Variants in OR2B6 observed in about 807,000 individuals in gnomAD.
OR2B6 encodes the protein olfactory receptor family 2 subfamily B member 6.
For missense variants in OR2B6, 350 were observed against 368.9 expected (o/e 0.95, Z 0.42); for synonymous variants, 130 against 142.7 (o/e 0.91, Z 0.63).
rs1208539634 is a variant in OR2B6, at chr6:27,957,751, C to A, written c.511C>A (p.Pro171Thr). 22 of 1,613,886 alleles carry A rather than the reference C, an allele frequency of 1.4e-5. No individual in the cohort carries two copies. The highest frequency in any genetic ancestry group is 1.8e-5 in the Non-Finnish European group (21 of 1,179,986). ...GACTCTCCAGCTGCCACTCTGTGAC[C>A]CCTATGTGATAGATCACTTTCTCTG... ...TLTLQLPLCD[P>T]YVIDHFLCEV... Residue 171 changes from proline (P) to threonine (T), a missense_variant, in exon 1 of 1, where the codon CCC becomes ACC. Physicochemically the swap from Pro to Thr is conservative, Grantham distance 38. Transcript: ENST00000244623.
chr6:27,958,113 A>T lies in OR2B6; in HGVS notation c.873A>T (p.Thr291=). Residue 291 remains threonine (T), a synonymous_variant, in exon 1 of 1, where the codon ACA becomes ACT. Coordinates refer to ENST00000244623, the MANE Select transcript of OR2B6 (RefSeq NM_012367.1). ...CCATGCTGAATCCCCTTATATATAC[A>T]CTTAGGAACAAGGAGGTAAAGGAAG... The part of the protein sequence containing the change: ...IAPMLNPLIY[T]LRNKEVKEGF... The T allele has an allele frequency of 2.5e-6, 4 of 1,613,774 alleles. No homozygotes were observed. Among genetic ancestry groups the T allele is most frequent in the Non-Finnish European group, 3.4e-6 (4 of 1,179,852 alleles).
rs776129148 is a variant in OR2B6, at chr6:27,957,597, C to G, written c.357C>G (p.Ser119=). Residue 119 remains serine (S), a synonymous_variant, in exon 1 of 1, where the codon TCC becomes TCG. Coordinates refer to ENST00000244623, the MANE Select transcript of OR2B6 (RefSeq NM_012367.1). ...ATEYLLLAVM[S]FDRFVAICRP... is the part of the protein sequence containing the mutation. ...AATATCTTCTCCTGGCCGTCATGTC[C>G]TTTGATAGGTTTGTAGCTATTTGTC... 2.2e-5 allele frequency: 35 copies of G among 1,613,906 alleles called. No individual in the cohort carries two copies. Among genetic ancestry groups the G allele is most frequent in the Non-Finnish European group, 2.7e-5 (32 of 1,179,978 alleles).
At position 27,957,601 on chromosome 6, in the gene OR2B6, G is replaced by C; in HGVS notation, c.361G>C (p.Asp121His). The C allele has an allele frequency of 6.2e-7, 1 of 1,613,976 alleles. No individual in the cohort carries two copies. The highest frequency in any genetic ancestry group is 2.2e-5 in the East Asian group (1 of 44,878). ...TCTTCTCCTGGCCGTCATGTCCTTT[G>C]ATAGGTTTGTAGCTATTTGTCGGCC... ...EYLLLAVMSF[D>H]RFVAICRPLH... Residue 121 changes from aspartate to histidine, a missense_variant, in exon 1 of 1, where the codon GAT becomes CAT. Physicochemically the swap from Asp to His is moderately conservative, Grantham distance 81 (BLOSUM62 -1). Coordinates refer to ENST00000244623, the MANE Select transcript of OR2B6 (RefSeq NM_012367.1).
Position 27,957,577 on chromosome 6 carries a change from C to G in OR2B6, c.337C>G (p.Leu113Val). The G allele has an allele frequency of 6.2e-7, 1 of 1,614,056 alleles. No individual in the cohort carries two copies. Among genetic ancestry groups the G allele is most frequent in the Non-Finnish European group, 8.5e-7 (1 of 1,179,986 alleles). The change falls in exon 1 of 1, where the codon CTT becomes GTT. Residue 113 changes from leucine to valine, a missense_variant. By Grantham distance (32) the Leu-to-Val change is conservative. Transcript: ENST00000244623. ...TCTGGCCTTGGGGGCTACTGAATAT[C>G]TTCTCCTGGCCGTCATGTCCTTTGA... Reference protein sequence around the residue: ...IFLALGATEYLLLAVMSFDRF... With the variant: ...IFLALGATEYVLLAVMSFDRF...
At position 27,957,526 on chromosome 6, in the gene OR2B6, G is replaced by A. The variant is rs755766251; in HGVS notation, c.286G>A (p.Gly96Ser). ...CATCAGGAAAGTAATCAGTTATCGT[G>A]GCTGTGTAGCCCAGCTTTTCATATT... ...CSIRKVISYR[G>S]CVAQLFIFLA... Residue 96 changes from glycine (G) to serine (S), a missense_variant, in exon 1 of 1, where the codon GGC becomes AGC. Physicochemically the swap from Gly to Ser is moderately conservative, Grantham distance 56 (BLOSUM62 0). Coordinates refer to ENST00000244623, the MANE Select transcript of OR2B6 (RefSeq NM_012367.1). The A allele has an allele frequency of 3.1e-6, 5 of 1,613,914 alleles. No homozygotes were observed. The Admixed American group carries it at 8.3e-5, about 27-fold the overall frequency.
In OR2B6 at chr6:27,957,849, T is replaced by C; in HGVS notation, c.609T>C (p.Ser203=). ...ATGAGGCTGAACTATTCCTTGTCAG[T>C]GAGCTCTTCCATCTAATACCCCTGA... The part of the protein sequence containing the change: ...TANEAELFLV[S]ELFHLIPLTL... The change falls in exon 1 of 1, where the codon AGT becomes AGC. Residue 203 remains serine, a synonymous_variant. Coordinates refer to ENST00000244623, the MANE Select transcript of OR2B6 (RefSeq NM_012367.1). 1 of 1,614,094 alleles carries C rather than the reference T, an allele frequency of 6.2e-7. No individual in the cohort carries two copies. Among genetic ancestry groups the C allele is most frequent in the Non-Finnish European group, 8.5e-7 (1 of 1,179,958 alleles).
Position 27,957,870 on chromosome 6 carries a change from CCT to C in OR2B6, c.631_632del (p.Leu211AspfsTer21), listed in dbSNP as rs1206385692. On this transcript the variant is annotated frameshift_variant, in exon 1 of 1. Transcript: ENST00000244623. LOFTEE classifies it low-confidence loss of function (END_TRUNC). ...LVSELFHLIPLTLILISYAFI... is the reference protein window; with the variant it reads ...LVSELFHLIPXTLILISYAFI... ...TCAGTGAGCTCTTCCATCTAATACC[CCT>C]GACACTCATCCTTATATCATATGCT... 1 of 1,613,966 alleles carries C rather than the reference CCT, an allele frequency of 6.2e-7. No individual in the cohort carries two copies. Among genetic ancestry groups the C allele is most frequent in the Non-Finnish European group, 8.5e-7 (1 of 1,179,998 alleles).
At position 27,958,013 on chromosome 6, in the gene OR2B6, T is replaced by C. The variant is rs940753905; in HGVS notation, c.773T>C (p.Val258Ala). The C allele has an allele frequency of 6.2e-7, 1 of 1,613,892 alleles. No individual in the cohort carries two copies. Among genetic ancestry groups the C allele is most frequent in the Non-Finnish European group, 8.5e-7 (1 of 1,179,976 alleles). The change falls in exon 1 of 1, where the codon GTG (valine) becomes GCG (alanine). Residue 258 changes from valine (V) to alanine (A), a missense_variant. Coordinates refer to ENST00000244623, the MANE Select transcript of OR2B6 (RefSeq NM_012367.1). ...CTTTTTTATAGTACAGCCGTCTCTG[T>C]GTACCTGCAACCACCTTCGCCCAGC... ...VSLFYSTAVSVYLQPPSPSSK... is the reference protein window; with the variant it reads ...VSLFYSTAVSAYLQPPSPSSK...
At position 27,958,125 on chromosome 6, in the gene OR2B6, G is replaced by A. The variant is rs141873242; in HGVS notation, c.885G>A (p.Lys295=). 400 of 1,613,456 alleles carry A rather than the reference G, an allele frequency of 2.5e-4. 1 individual carries two copies. Among genetic ancestry groups the A allele is most frequent in the Middle Eastern group, 8.2e-4 (5 of 6,078 alleles). ...CCCTTATATATACACTTAGGAACAAGGAGGTAAAGGAAGGCTTTAAAAGGT... is the reference window on the plus strand; with the variant it reads ...CCCTTATATATACACTTAGGAACAAAGAGGTAAAGGAAGGCTTTAAAAGGT... ...LNPLIYTLRN[K]EVKEGFKRLV... is the part of the protein sequence containing the mutation. The change falls in exon 1 of 1, where the codon AAG becomes AAA. Residue 295 remains lysine, a synonymous_variant. Transcript: ENST00000244623.
rs1561770177 is a variant in OR2B6, at chr6:27,957,994, T to C, written c.754T>C (p.Tyr252His). The change falls in exon 1 of 1, where the codon TAT becomes CAT. Residue 252 changes from tyrosine to histidine, a missense_variant. Physicochemically the swap from Tyr to His is moderately conservative, Grantham distance 83. Coordinates refer to ENST00000244623, the MANE Select transcript of OR2B6 (RefSeq NM_012367.1). Reference protein sequence around the residue: ...GSHLIVVSLFYSTAVSVYLQP... With the variant: ...GSHLIVVSLFHSTAVSVYLQP... ...CCATCTAATTGTGGTGTCTCTTTTT[T>C]ATAGTACAGCCGTCTCTGTGTACCT... The C allele has an allele frequency of 6.2e-7, 1 of 1,613,950 alleles. No homozygotes were observed. Among genetic ancestry groups the C allele is most frequent in the Non-Finnish European group, 8.5e-7 (1 of 1,179,948 alleles).
At position 27,958,148 on chromosome 6, in the gene OR2B6, G is replaced by C. The variant is rs757723118; in HGVS notation, c.908G>C (p.Arg303Thr). 1 of 1,613,184 alleles carries C rather than the reference G, an allele frequency of 6.2e-7. No individual in the cohort carries two copies. Among genetic ancestry groups the C allele is most frequent in the African/African-American group, 1.3e-5 (1 of 74,958 alleles). ...AAGGAGGTAAAGGAAGGCTTTAAAA[G>C]GTTGGTTGCAAGAGTCTTCTTAATC... ...RNKEVKEGFK[R>T]LVARVFLIKK is the part of the protein sequence containing the mutation. The change falls in exon 1 of 1, where the codon AGG becomes ACG. Residue 303 changes from arginine (R) to threonine (T), a missense_variant. Coordinates refer to ENST00000244623, the MANE Select transcript of OR2B6 (RefSeq NM_012367.1).
chr6:27,957,784 C>T lies in OR2B6; in HGVS notation c.544C>T (p.Pro182Ser), dbSNP rs762926555. ...YVIDHFLCEV[P>S]ALLKLSCVET... ...GATAGATCACTTTCTCTGTGAAGTC[C>T]CTGCACTGCTCAAGTTATCTTGTGT... is the stretch of plus-strand genomic sequence containing the variant. The change falls in exon 1 of 1, where the codon CCT becomes TCT. Residue 182 changes from proline to serine, a missense_variant. Pro to Ser is a moderately conservative substitution (Grantham distance 74, BLOSUM62 -1). Transcript: ENST00000244623. 6.2e-7 allele frequency: 1 copy of T among 1,614,046 alleles called. No homozygotes were observed. Among genetic ancestry groups the T allele is most frequent in the Non-Finnish European group, 8.5e-7 (1 of 1,179,988 alleles).
In OR2B6 at chr6:27,957,964, G is replaced by T; in HGVS notation, c.724G>T (p.Gly242Cys). 6.2e-7 allele frequency: 1 copy of T among 1,613,920 alleles called. No homozygotes were observed. Among genetic ancestry groups the T allele is most frequent in the Non-Finnish European group, 8.5e-7 (1 of 1,179,952 alleles). The change falls in exon 1 of 1, where the codon GGT becomes TGT. Residue 242 changes from glycine to cysteine, a missense_variant. By Grantham distance (159) the Gly-to-Cys change is radical. Transcript: ENST00000244623. Reference sequence around the variant, plus strand: ...TCGACAAAAAGCATTTGGGACATGTGGTTCCCATCTAATTGTGGTGTCTCT... The same window carrying T: ...TCGACAAAAAGCATTTGGGACATGTTGTTCCCATCTAATTGTGGTGTCTCT... ...EGRQKAFGTC[G>C]SHLIVVSLFY...
chr6:27,957,870 C>G lies in OR2B6; in HGVS notation c.630C>G (p.Pro210=). Residue 210 remains proline, a synonymous_variant, in exon 1 of 1, where the codon CCC becomes CCG. Transcript: ENST00000244623. ...TCAGTGAGCTCTTCCATCTAATACC[C>G]CTGACACTCATCCTTATATCATATG... The part of the protein sequence containing the change: ...FLVSELFHLI[P]LTLILISYAF... 1 of 1,614,084 alleles carries G rather than the reference C, an allele frequency of 6.2e-7. No individual in the cohort carries two copies. Among genetic ancestry groups the G allele is most frequent in the Non-Finnish European group, 8.5e-7 (1 of 1,179,990 alleles).
chr6:27,957,269 A>G lies in OR2B6; in HGVS notation c.29A>G (p.Gln10Arg). 6.2e-7 allele frequency: 1 copy of G among 1,610,964 alleles called. No individual in the cohort carries two copies. MNWVNDSIIQEFILLGFSDR... is the reference protein window; with the variant it reads MNWVNDSIIREFILLGFSDR... The stretch of plus-strand genomic sequence containing the variant: ...AATTGGGTAAATGACAGCATCATAC[A>G]GGAGTTTATTCTGCTGGGTTTCTCA... Residue 10 changes from glutamine to arginine, a missense_variant, in exon 1 of 1, where the codon CAG becomes CGG. Gln to Arg is a conservative substitution (Grantham distance 43, BLOSUM62 1). Coordinates refer to ENST00000244623, the MANE Select transcript of OR2B6 (RefSeq NM_012367.1).
rs1348655777 is a variant in OR2B6, at chr6:27,957,326, T to A, written c.86T>A (p.Val29Glu). The A allele has an allele frequency of 1.2e-5, 20 of 1,613,802 alleles. No individual in the cohort carries two copies. Among genetic ancestry groups the A allele is most frequent in the Non-Finnish European group, 1.6e-5 (19 of 1,179,824 alleles). Reference protein sequence around the residue: ...DRPWLEFPLLVVFLISYTVTI... With the variant: ...DRPWLEFPLLEVFLISYTVTI... ...CCTTGGCTGGAGTTTCCACTCCTTG[T>A]GGTCTTCTTGATTTCTTACACTGTG... The change falls in exon 1 of 1, where the codon GTG becomes GAG. Residue 29 changes from valine to glutamate, a missense_variant. By Grantham distance (121) the Val-to-Glu change is moderately radical (BLOSUM62 -2). Transcript: ENST00000244623.
In OR2B6 at chr6:27,958,149, G is replaced by A; in HGVS notation, c.909G>A (p.Arg303=). ...AGGAGGTAAAGGAAGGCTTTAAAAGGTTGGTTGCAAGAGTCTTCTTAATCA... is the reference window on the plus strand; with the variant it reads ...AGGAGGTAAAGGAAGGCTTTAAAAGATTGGTTGCAAGAGTCTTCTTAATCA... ...RNKEVKEGFK[R]LVARVFLIKK The change falls in exon 1 of 1, where the codon AGG becomes AGA. Residue 303 remains arginine (R), a synonymous_variant. Coordinates refer to ENST00000244623, the MANE Select transcript of OR2B6 (RefSeq NM_012367.1). 4 of 1,613,160 alleles carry A rather than the reference G, an allele frequency of 2.5e-6. No homozygotes were observed. The highest frequency in any genetic ancestry group is 3.4e-6 in the Non-Finnish European group (4 of 1,179,512).
Position 27,957,295 on chromosome 6 carries a change from G to C in OR2B6, c.55G>C (p.Asp19His). The change falls in exon 1 of 1, where the codon GAT becomes CAT. Residue 19 changes from aspartate (D) to histidine (H), a missense_variant. Asp to His is a moderately conservative substitution (Grantham distance 81). Coordinates refer to ENST00000244623, the MANE Select transcript of OR2B6 (RefSeq NM_012367.1). ...GGAGTTTATTCTGCTGGGTTTCTCA[G>C]ATCGACCTTGGCTGGAGTTTCCACT... ...IQEFILLGFSDRPWLEFPLLV... is the reference protein window; with the variant it reads ...IQEFILLGFSHRPWLEFPLLV... 1 of 1,613,784 alleles carries C rather than the reference G, an allele frequency of 6.2e-7. No individual in the cohort carries two copies. Among genetic ancestry groups the C allele is most frequent in the Non-Finnish European group, 8.5e-7 (1 of 1,179,796 alleles).
chr6:27,957,635 A>T lies in OR2B6; in HGVS notation c.395A>T (p.Tyr132Phe). 6.2e-7 allele frequency: 1 copy of T among 1,613,830 alleles called. No homozygotes were observed. Among genetic ancestry groups the T allele is most frequent in the South Asian group, 1.1e-5 (1 of 91,062 alleles). Residue 132 changes from tyrosine (Y) to phenylalanine (F), a missense_variant, in exon 1 of 1, where the codon TAC (tyrosine) becomes TTC (phenylalanine). Transcript: ENST00000244623. ...RFVAICRPLH[Y>F]SVIMHQRLCL... Reference sequence around the variant, plus strand: ...GTAGCTATTTGTCGGCCTCTCCATTACTCAGTTATCATGCACCAGAGACTC... The same window carrying T: ...GTAGCTATTTGTCGGCCTCTCCATTTCTCAGTTATCATGCACCAGAGACTC...
Sources: gnomAD v4.1 joint callset for allele counts on GRCh38, gnomAD v4.1.1 for gene constraint, MANE v1.5 for transcripts, NCBI Gene and HGNC (gene_info 2026-07-23, HGNC 2026-07-21) for gene names.